Variants in PTGFR observed in about 807,000 individuals in gnomAD.
PTGFR encodes the protein prostaglandin F receptor, also known as prostaglandin F2-alpha receptor.
In PTGFR, 15 loss-of-function variants were observed where a neutral mutation model predicts 26.2. The ratio of observed to expected loss-of-function variants is 0.57; its 90% CI spans 0.38 to 0.88. PTGFR has a LOEUF of 0.88. Among genes scored for constraint, PTGFR ranks in the 40% least tolerant of loss-of-function variants. The pLI is 0.00. For synonymous variants in PTGFR, 165 were observed against 151.1 expected, an observed-to-expected ratio of 1.09 and a Z score of -0.68; for missense variants, 369 against 427.2, an observed-to-expected ratio of 0.86 and a Z score of 1.20.
At chr1:78,506,456 G>A (rs1274121188) in intron 2 of PTGFR, among the ~76,000 whole-genome samples, 1 of 151,806 alleles carries the variant, frequency 6.6e-6, no homozygotes, top group African/African-American at 2.4e-5. Flanking sequence ...AAAACCAGTA[G>A]GGAAATTCTT....
chr1:78,509,982 T>A (rs757461928), intron 2 of PTGFR, among the ~76,000 whole-genome samples: 1 of 152,228 alleles, frequency 6.6e-6, no homozygotes, highest in Non-Finnish European at 1.5e-5. Flanking sequence ...TGGGTTGTTT[T>A]ACATGGTTGC....
In PTGFR at chr1:78,507,971, G is replaced by T. The variant is rs1180380222; in HGVS notation, c.798+14430G>T. Among the ~76,000 whole-genome samples, 3 of 152,300 alleles carry T rather than the reference G, an allele frequency of 2.0e-5. No individual in the cohort carries two copies. In the East Asian group the frequency reaches 5.8e-4, roughly 29 times the overall value. The stretch of plus-strand genomic sequence containing the variant: ...TGTTTTCTTCATTTACTTGTATAAA[G>T]AAGGAGTTTGAAACCAATTTAATTC... On this transcript the variant is annotated intron_variant, in intron 2 of 2. Coordinates refer to ENST00000370757, the MANE Select transcript of PTGFR (RefSeq NM_000959.4).
chr1:78,530,758 A>G (rs1457786363), intron 2 of PTGFR, among the ~76,000 whole-genome samples: 1 of 152,222 alleles, frequency 6.6e-6, no homozygotes, highest in Non-Finnish European at 1.5e-5. Context: ...TTTTTTAATC[A>G]TCTTATTCAT....
At chr1:78,519,957 A>T (rs1017543128) in intron 2 of PTGFR, among the ~76,000 whole-genome samples, 1 of 152,074 alleles carries the variant, frequency 6.6e-6, no homozygotes, top group East Asian at 1.9e-4. Context: ...TCCATGGGTT[A>T]AATTATCTCA....
intron 2 of PTGFR, among the ~76,000 whole-genome samples, chr1:78,514,104 C>T (rs1251460709): frequency 6.6e-6 from 1 of 152,222 alleles, no homozygotes; most frequent in Non-Finnish European, 1.5e-5. Flanking sequence ...GGAGCTCCCA[C>T]ACAGAGTCCC....
At chr1:78,500,522 G>T (rs915242006) in intron 2 of PTGFR, among the ~76,000 whole-genome samples, 10 of 152,162 alleles carry the variant, frequency 6.6e-5, no homozygotes, top group African/African-American at 2.4e-4. Flanking sequence ...TATTTCCGAA[G>T]GTCCATTCAT....
chr1:78,492,644 TC>T, intron 1 of PTGFR, 27 bp from the exon 2 acceptor site: 1 of 1,177,896 alleles, frequency 8.5e-7, no homozygotes, highest in Non-Finnish European at 1.2e-6. Context: ...AATGCGGTGT[TC>T]ATAATTCCTC....
intron 2 of PTGFR, among the ~76,000 whole-genome samples, chr1:78,502,556 A>C (rs2100358864): frequency 6.6e-6 from 1 of 152,316 alleles, no homozygotes; most frequent in Non-Finnish European, 1.5e-5. Flanking sequence ...CATATGCTTC[A>C]GTTATTATAC....
Position 78,540,502 on chromosome 1 carries a change from G to A in PTGFR, c.*3815G>A, listed in dbSNP as rs965785934. Among the ~76,000 whole-genome samples, 2 of 152,184 alleles carry A rather than the reference G, an allele frequency of 1.3e-5. No individual in the cohort carries two copies. The highest frequency in any genetic ancestry group is 3.9e-4 in the East Asian group (2 of 5,170). ...CTCTTTGTAAGTACTGACAAGCATGGTCTTGTAATCTGTAAAGATAAGGTA... is the reference window on the plus strand; with the variant it reads ...CTCTTTGTAAGTACTGACAAGCATGATCTTGTAATCTGTAAAGATAAGGTA... On this transcript the variant is annotated 3_prime_UTR_variant, in exon 3 of 3. Transcript: ENST00000370757.
chr1:78,533,592 C>G (rs7543738), intron 2 of PTGFR, among the ~76,000 whole-genome samples: 25,866 of 152,074 alleles, frequency 0.17, 2,337 homozygotes, highest in Non-Finnish European at 0.22. Flanking sequence ...ACGATGCCTA[C>G]ATACAGCAGA....
intron 2 of PTGFR, among the ~76,000 whole-genome samples, chr1:78,527,741 TAGAC>T (rs1165439092): frequency 5.3e-5 from 8 of 151,944 alleles, no homozygotes; most frequent in South Asian, 2.1e-4. Flanking sequence ...AGTTAACAAA[TAGAC>T]AGCCACTATG....
At chr1:78,524,088 T>C (rs1186994510) in intron 2 of PTGFR, among the ~76,000 whole-genome samples, 1 of 151,732 alleles carries the variant, frequency 6.6e-6, no homozygotes, top group Non-Finnish European at 1.5e-5. Flanking sequence ...TTTGGGCAGC[T>C]GGTGGAGTCG....
At chr1:78,506,013 T>C (rs1570277043) in intron 2 of PTGFR, among the ~76,000 whole-genome samples, 1 of 152,174 alleles carries the variant, frequency 6.6e-6, no homozygotes, top group Non-Finnish European at 1.5e-5. Flanking sequence ...TGTGTACAAG[T>C]TTTTGAACAC....
intron 2 of PTGFR, among the ~76,000 whole-genome samples, chr1:78,516,808 C>T (rs1362134242): frequency 6.6e-6 from 1 of 151,724 alleles, no homozygotes; most frequent in Non-Finnish European, 1.5e-5. Flanking sequence ...AAGGTTAAAA[C>T]CATATCCAGG....
At chr1:78,497,859 T>C in intron 2 of PTGFR, 1 of 1,548,926 alleles carries the variant, frequency 6.5e-7, no homozygotes, top group Non-Finnish European at 8.9e-7. Context: ...TATGTTTGTT[T>C]TACCTTCTCT....
chr1:78,515,786 T>A (rs974981572), intron 2 of PTGFR, among the ~76,000 whole-genome samples: 2 of 152,210 alleles, frequency 1.3e-5, no homozygotes, highest in Admixed American at 1.3e-4. Flanking sequence ...AGAAAGCTCC[T>A]CAGTGACAGA....
intron 2 of PTGFR, among the ~76,000 whole-genome samples, chr1:78,502,893 C>T (rs933297722): frequency 5.3e-5 from 8 of 151,928 alleles, no homozygotes; most frequent in African/African-American, 1.2e-4. Flanking sequence ...TGAAATATAA[C>T]GATTCTATCT....
At chr1:78,528,830 C>A (rs1557658332) in intron 2 of PTGFR, among the ~76,000 whole-genome samples, 3 of 152,046 alleles carry the variant, frequency 2.0e-5, no homozygotes, top group South Asian at 4.1e-4. Flanking sequence ...GCAACACATA[C>A]AAATTTCAAT....
At chr1:78,491,306 AC>A in intron 1 of PTGFR, 70 bp downstream of exon 1, 1 of 152,068 alleles carries the variant, frequency 6.6e-6, no homozygotes. Flanking sequence ...TAATCAACTC[AC>A]CCCCTGAGAC....
Sources: gnomAD v4.1 joint callset for allele counts (sites outside exome capture counted in the v4.1 genomes callset) on GRCh38, gnomAD v4.1.1 for gene constraint, MANE v1.5 for transcripts, NCBI Gene and HGNC (gene_info 2026-07-23, HGNC 2026-07-21) for gene names.